The following MBOAT4 variants were observed in gnomAD, a reference collection of about 807,000 sequenced individuals.
MBOAT4 encodes membrane-bound ghrelin O-acyltransferase MBOAT4.
MBOAT4 carries 11 observed loss-of-function variants against 13.2 expected under a neutral mutation model. The observed-to-expected ratio is 0.84, with a 90% confidence interval of 0.53 to 1.38. The LOEUF is 1.38. Among genes scored for constraint, MBOAT4 ranks in the 40% most tolerant of loss-of-function variants. The probability of loss-of-function intolerance (pLI) is 0.00; values close to 1 mark genes in which losing one functional copy is unlikely to be tolerated. For missense variants in MBOAT4, 481 were observed against 527.2 expected (o/e 0.91, Z 0.86); for synonymous variants, 202 against 210.3 (o/e 0.96, Z 0.34).
intron 1 of MBOAT4, among the ~76,000 whole-genome samples, chr8:30,143,347 C>CAAAAAAAAAAAAAAA (rs776274086): frequency 7.0e-6 from 1 of 143,506 alleles, no homozygotes; most frequent in African/African-American, 2.8e-5. Context: ...GACTCCGTCT[C>CAAAAAAAAAAAAAAA]AAAAAAAAAA....
chr8:30,136,294 T>C (rs548915727), intron 2 of MBOAT4, among the ~76,000 whole-genome samples: 1 of 152,194 alleles, frequency 6.6e-6, no homozygotes, highest in African/African-American at 2.4e-5. Flanking sequence ...GAACAGACAA[T>C]TAGGACACAG....
In MBOAT4 at chr8:30,132,006, G is replaced by A; in HGVS notation, c.1245C>T (p.Val415=). 1 of 1,552,048 alleles carries A rather than the reference G, an allele frequency of 6.4e-7. No individual in the cohort carries two copies. The highest frequency in any genetic ancestry group is 8.7e-7 in the Non-Finnish European group (1 of 1,147,054). Reference sequence around the variant, plus strand: ...GCAGAATACAGTACACCATGGGAAAGACACTGTTGTACGAATTACAGAGCA... The same window carrying A: ...GCAGAATACAGTACACCATGGGAAAAACACTGTTGTACGAATTACAGAGCA... ...LWLLCNSYNS[V]FPMVYCILLL... is the part of the protein sequence containing the mutation. Residue 415 remains valine (V), a synonymous_variant, in exon 3 of 3, where the codon GTC becomes GTT. Transcript: ENST00000320542.
At chr8:30,135,492 G>A (rs1440005087) in intron 2 of MBOAT4, among the ~76,000 whole-genome samples, 1 of 152,162 alleles carries the variant, frequency 6.6e-6, no homozygotes, top group Non-Finnish European at 1.5e-5. Context: ...GATTTGTACT[G>A]AGGAATGGAT....
chr8:30,141,560 C>G (rs879798342), intron 1 of MBOAT4, among the ~76,000 whole-genome samples: 5 of 152,108 alleles, frequency 3.3e-5, no homozygotes, highest in Non-Finnish European at 7.4e-5. Flanking sequence ...ATCGCTTGAG[C>G]TCAGGAGGCA....
intron 1 of MBOAT4, among the ~76,000 whole-genome samples, chr8:30,142,839 C>T: frequency 6.6e-6 from 1 of 152,164 alleles, no homozygotes; most frequent in Admixed American, 6.5e-5. Context: ...CTTGATCATA[C>T]CATTGTTTAA....
chr8:30,140,187 C>T (rs758636524), intron 1 of MBOAT4, among the ~76,000 whole-genome samples: 20 of 152,132 alleles, frequency 1.3e-4, no homozygotes, highest in Non-Finnish European at 2.6e-4. Flanking sequence ...CAGGCACCTG[C>T]CACCATGCCT....
intron 1 of MBOAT4, among the ~76,000 whole-genome samples, chr8:30,143,831 T>G (rs1208466256): frequency 6.6e-6 from 1 of 151,890 alleles, no homozygotes; most frequent in African/African-American, 2.4e-5. Flanking sequence ...TTAGGACTAT[T>G]CAAGAATATC....
At chr8:30,135,061 T>G (rs1803110079) in intron 2 of MBOAT4, among the ~76,000 whole-genome samples, 1 of 150,214 alleles carries the variant, frequency 6.7e-6, no homozygotes, top group Non-Finnish European at 1.5e-5. Context: ...TGTGGGTTTT[T>G]TTTTTTTTTT....
intron 2 of MBOAT4, among the ~76,000 whole-genome samples, chr8:30,135,160 G>A (rs1048609235): frequency 6.6e-6 from 1 of 151,506 alleles, no homozygotes; most frequent in Admixed American, 6.6e-5. Flanking sequence ...CCAAAGGGCT[G>A]GGATTATAGG....
chr8:30,140,714 G>A (rs1803247670), intron 1 of MBOAT4, among the ~76,000 whole-genome samples: 1 of 152,158 alleles, frequency 6.6e-6, no homozygotes, highest in Non-Finnish European at 1.5e-5. Flanking sequence ...CCTTCCCAGA[G>A]TGAAGGGTGA....
chr8:30,139,590 C>A (rs1317149329), intron 1 of MBOAT4, among the ~76,000 whole-genome samples: 1 of 152,144 alleles, frequency 6.6e-6, no homozygotes, highest in Non-Finnish European at 1.5e-5. Flanking sequence ...TCTTTATATC[C>A]ACCCTTCATC....
Position 30,138,740 on chromosome 8 carries a change from T to C in MBOAT4, c.136A>G (p.Thr46Ala), listed in dbSNP as rs7813902. 1,461,823 of 1,549,614 alleles carry C rather than the reference T, an allele frequency of 0.94. 691,621 individuals are homozygous for C. Among genetic ancestry groups the C allele is most frequent in the Middle Eastern group, 0.96 (4,397 of 4,560 alleles). ...GCCACGGCCAGGGCACCTCCTCCAGTCAGGAGAAAGAGGTACCTGAAAGAG... is the reference window on the plus strand; with the variant it reads ...GCCACGGCCAGGGCACCTCCTCCAGCCAGGAGAAAGAGGTACCTGAAAGAG... Reference protein sequence around the residue: ...STRARYLFLLTGGGALAVAAM... With the variant: ...STRARYLFLLAGGGALAVAAM... The change falls in exon 2 of 3, where the codon ACT becomes GCT. Residue 46 changes from threonine to alanine, a missense_variant. Coordinates refer to ENST00000320542, the MANE Select transcript of MBOAT4 (RefSeq NM_001100916.2).
chr8:30,142,749 CA>C (rs1803282634), intron 1 of MBOAT4, among the ~76,000 whole-genome samples: 2 of 152,154 alleles, frequency 1.3e-5, no homozygotes, highest in African/African-American at 4.8e-5. Flanking sequence ...GAATCTTTCT[CA>C]AAAGGAAACT....
chr8:30,137,836 T>G, intron 2 of MBOAT4: 1 of 308,620 alleles, frequency 3.2e-6, no homozygotes, highest in Non-Finnish European at 6.1e-6. Context: ...GATTAGAAAT[T>G]ATGGTTTAGG....
At chr8:30,133,318 A>T (rs376640351) in intron 2 of MBOAT4, among the ~76,000 whole-genome samples, 1 of 152,210 alleles carries the variant, frequency 6.6e-6, no homozygotes, top group Non-Finnish European at 1.5e-5. Flanking sequence ...AGCGTAAAAA[A>T]TCTTTCACTT....
chr8:30,137,981 C>A, intron 2 of MBOAT4: 1 of 185,358 alleles, frequency 5.4e-6, no homozygotes. Flanking sequence ...GCTGGTACTA[C>A]CCAGACCGAT....
chr8:30,132,264 C>A lies in MBOAT4; in HGVS notation c.987G>T (p.Gln329His). The A allele has an allele frequency of 6.4e-7, 1 of 1,551,772 alleles. No homozygotes were observed. The highest frequency in any genetic ancestry group is 8.7e-7 in the Non-Finnish European group (1 of 1,147,006). ...FQHSRAWPLL[Q>H]TFAFSAWWHG... The stretch of plus-strand genomic sequence containing the variant: ...GCCACCAGGCAGAGAAGGCAAATGT[C>A]TGCAACAACGGCCAAGCCCTGCTGT... Residue 329 changes from glutamine (Q) to histidine (H), a missense_variant, in exon 3 of 3, where the codon CAG becomes CAT. Transcript: ENST00000320542.
intron 2 of MBOAT4, among the ~76,000 whole-genome samples, chr8:30,133,887 G>A (rs1563221055): frequency 2.0e-5 from 3 of 151,982 alleles, no homozygotes; most frequent in Admixed American, 2.0e-4. Flanking sequence ...CCAGGAAAAG[G>A]TATGAAGAGA....
rs1585480782 is a variant in MBOAT4 at position 30,131,990 on chromosome 8, A to G, written c.1261T>C (p.Cys421Arg). ...SYNSVFPMVY[C>R]ILLLLLAKRK... ...TTCGCCAATAGCAAAAGCAGAATAC[A>G]GTACACCATGGGAAAGACACTGTTG... The change falls in exon 3 of 3, where the codon TGT (cysteine) becomes CGT (arginine). Residue 421 changes from cysteine to arginine, a missense_variant. Physicochemically the swap from Cys to Arg is radical, Grantham distance 180. Transcript: ENST00000320542. 6.4e-7 allele frequency: 1 copy of G among 1,552,158 alleles called. No individual in the cohort carries two copies. Among genetic ancestry groups the G allele is most frequent in the Non-Finnish European group, 8.7e-7 (1 of 1,147,100 alleles).
Sources: allele counts gnomAD v4.1 joint callset (sites outside exome capture counted in the v4.1 genomes callset), GRCh38; gene constraint gnomAD v4.1.1; transcripts MANE v1.5; gene names NCBI Gene and HGNC (gene_info 2026-07-23, HGNC 2026-07-21).